The following CFAP61 variants were observed in gnomAD, a reference collection of about 807,000 sequenced individuals.
CFAP61 encodes cilia- and flagella-associated protein 61.
CFAP61 carries 107 observed loss-of-function variants against 135.6 expected under a neutral mutation model. The ratio of observed to expected loss-of-function variants is 0.79; its 90% CI spans 0.67 to 0.93. The LOEUF is 0.93. CFAP61 is among the 40% of genes least tolerant of loss of function. The probability of loss-of-function intolerance (pLI) is 0.00; values close to 1 mark genes in which losing one functional copy is unlikely to be tolerated. For synonymous variants in CFAP61, 575 were observed against 578.5 expected (o/e 0.99, Z 0.09); for missense variants, 1,507 against 1,556.2 (o/e 0.97, Z 0.53).
At chr20:20,342,905 G>A (rs532395719) in intron 26 of CFAP61, among the ~76,000 whole-genome samples, 126 of 151,796 alleles carry the variant, frequency 8.3e-4, no homozygotes, top group African/African-American at 3.0e-3. Flanking sequence ...CTGTTGTGCA[G>A]GCTGGAGTGC....
At chr20:20,294,593 A>G (rs6081951) in intron 24 of CFAP61, among the ~76,000 whole-genome samples, 148,074 of 152,288 alleles carry the variant, frequency 0.97, 72,016 homozygotes, top group East Asian at 1. Context: ...CAAAACTTAC[A>G]GAGGAGGCCA....
chr20:20,215,309 CTTT>C (rs543066473), intron 17 of CFAP61: 60 of 152,360 alleles, frequency 3.9e-4, no homozygotes, highest in African/African-American at 1.4e-3. Context: ...GCAGGTTTCT[CTTT>C]GTTTCTTTGA....
intron 9 of CFAP61, among the ~76,000 whole-genome samples, chr20:20,147,983 C>G (rs920379002): frequency 2.0e-5 from 3 of 152,114 alleles, no homozygotes; most frequent in Non-Finnish European, 2.9e-5. Context: ...TGCCAGTTTT[C>G]TCAGCACTAT....
chr20:20,276,606 G>A (rs1309985660), intron 21 of CFAP61, among the ~76,000 whole-genome samples: 2 of 152,092 alleles, frequency 1.3e-5, no homozygotes, highest in Non-Finnish European at 2.9e-5. Flanking sequence ...CTCTAGCTAG[G>A]TCTTGACACA....
chr20:20,269,971 G>A (rs1022196917), intron 21 of CFAP61, among the ~76,000 whole-genome samples: 1 of 152,046 alleles, frequency 6.6e-6, no homozygotes, highest in Non-Finnish European at 1.5e-5. Flanking sequence ...GATAAACCCT[G>A]TCTCACAGGC....
chr20:20,320,485 A>ATTATATATGTT, intron 25 of CFAP61, among the ~76,000 whole-genome samples: 1 of 57,874 alleles, frequency 1.7e-5, no homozygotes, highest in African/African-American at 1.3e-4. Flanking sequence ...TGTAATATAT[A>ATTATATATGTT]ATATATGTAA....
chr20:20,175,314 G>A (rs1410320314), intron 13 of CFAP61, among the ~76,000 whole-genome samples: 5 of 152,166 alleles, frequency 3.3e-5, no homozygotes, highest in Admixed American at 2.6e-4. Flanking sequence ...CAGTTCCACT[G>A]CAAGTGTGGT....
intron 25 of CFAP61, among the ~76,000 whole-genome samples, chr20:20,337,103 G>A (rs907935516): frequency 2.0e-5 from 3 of 152,258 alleles, no homozygotes; most frequent in Non-Finnish European, 2.9e-5. Flanking sequence ...AAAAGTTTAC[G>A]TGGAAGCATA....
intron 18 of CFAP61, among the ~76,000 whole-genome samples, chr20:20,241,439 C>CA (rs1175972050): frequency 3.9e-5 from 6 of 152,162 alleles, no homozygotes; most frequent in South Asian, 2.1e-4. Context: ...CTCTATCCCC[C>CA]AAAAAATCTT....
chr20:20,131,864 A>G (rs2050554407), intron 8 of CFAP61, among the ~76,000 whole-genome samples: 2 of 151,974 alleles, frequency 1.3e-5, no homozygotes, highest in Non-Finnish European at 2.9e-5. Flanking sequence ...TTCATTTTAT[A>G]TATTCTTTGA....
chr20:20,324,329 G>A (rs1173491254), intron 25 of CFAP61, among the ~76,000 whole-genome samples: 1 of 152,116 alleles, frequency 6.6e-6, no homozygotes, highest in Non-Finnish European at 1.5e-5. Flanking sequence ...CGCAGTCTCA[G>A]TTTGTGAATA....
At chr20:20,205,856 T>C (rs2056833627) in intron 17 of CFAP61, among the ~76,000 whole-genome samples, 1 of 152,210 alleles carries the variant, frequency 6.6e-6, no homozygotes, top group Admixed American at 6.5e-5. Flanking sequence ...TGGTGGCAGC[T>C]GCTGGGAAAG....
At chr20:20,181,172 T>C (rs6112807) in intron 13 of CFAP61, among the ~76,000 whole-genome samples, 1 of 44,098 alleles carries the variant, frequency 2.3e-5, no homozygotes, top group Non-Finnish European at 5.4e-5. Context: ...GTTATATATA[T>C]ACACATATAT....
chr20:20,195,763 G>A (rs2056237897), intron 15 of CFAP61, among the ~76,000 whole-genome samples: 1 of 152,160 alleles, frequency 6.6e-6, no homozygotes. Context: ...TAGCAGGCCA[G>A]CCAGCCATAC....
intron 2 of CFAP61, among the ~76,000 whole-genome samples, chr20:20,062,100 G>C (rs1024824088): frequency 1.3e-5 from 2 of 152,144 alleles, no homozygotes; most frequent in African/African-American, 4.8e-5. Context: ...TCGTAAGAGA[G>C]AAGTGTGTGC....
intron 9 of CFAP61, among the ~76,000 whole-genome samples, chr20:20,156,684 A>G (rs1373832021): frequency 1.3e-5 from 2 of 152,212 alleles, no homozygotes; most frequent in Admixed American, 6.5e-5. Context: ...TAAAAAATTA[A>G]TATGCAAAAT....
intron 9 of CFAP61, among the ~76,000 whole-genome samples, chr20:20,158,236 T>C (rs1601046334): frequency 1.4e-5 from 2 of 147,084 alleles, no homozygotes; most frequent in Middle Eastern, 7.2e-3. Flanking sequence ...AAACTTAAAG[T>C]ATATTAAAAA....
At chr20:20,171,040 C>T (rs899273910) in intron 13 of CFAP61, among the ~76,000 whole-genome samples, 23 of 152,116 alleles carry the variant, frequency 1.5e-4, no homozygotes, top group African/African-American at 5.6e-4. Context: ...AGTAACTAGT[C>T]CACAGTCCAC....
chr20:20,069,061 CGA>C (rs934407772), intron 2 of CFAP61, among the ~76,000 whole-genome samples: 14 of 152,120 alleles, frequency 9.2e-5, no homozygotes, highest in African/African-American at 3.4e-4. Flanking sequence ...CTATATATAC[CGA>C]GAGATACTGG....
Sources: allele counts gnomAD v4.1 joint callset (sites outside exome capture counted in the v4.1 genomes callset), GRCh38; gene constraint gnomAD v4.1.1; transcripts MANE v1.5; gene names NCBI Gene and HGNC (gene_info 2026-07-23, HGNC 2026-07-21).